DNAJC2: variants seen among roughly 807,000 people sequenced by gnomAD.
DNAJC2 encodes the protein dnaJ homolog subfamily C member 2.
A neutral mutation model predicts 94.0 loss-of-function variants in DNAJC2; 32 were observed. The ratio of observed to expected loss-of-function variants is 0.34; its 90% CI spans 0.26 to 0.46. The LOEUF (loss-of-function observed/expected upper bound fraction) is 0.46. DNAJC2 is among the 20% of genes least tolerant of loss of function. DNAJC2 has a pLI of 1.00. For missense variants in DNAJC2, 550 were observed against 719.5 expected, an observed-to-expected ratio of 0.76 and a Z score of 2.69; for synonymous variants, 210 against 229.7, an observed-to-expected ratio of 0.91 and a Z score of 0.77.
chr7:103,318,314 C>T (rs1248558804), intron 12 of DNAJC2, among the ~76,000 whole-genome samples: 3 of 152,148 alleles, frequency 2.0e-5, no homozygotes, highest in East Asian at 1.9e-4. Context: ...TACAGGTACA[C>T]GACACCATGC....
intron 15 of DNAJC2, chr7:103,313,596 A>G: frequency 1.0e-6 from 1 of 983,328 alleles, no homozygotes; most frequent in Non-Finnish European, 1.2e-6. Flanking sequence ...AATTAAGCCA[A>G]GTGCCCAAGG....
Position 103,337,696 on chromosome 7 carries a change from TACA to T in DNAJC2, c.331+37_331+39del, listed in dbSNP as rs2116035503. On this transcript the variant is annotated intron_variant, in intron 3 of 16. Coordinates refer to ENST00000379263, the MANE Select transcript of DNAJC2 (RefSeq NM_014377.3). ...AAAAAGCATAGCCAGCCTGTTCCTATACAAGATATTTGATTATTTCAAAATAAC... is the reference window on the plus strand; with the variant it reads ...AAAAAGCATAGCCAGCCTGTTCCTATAGATATTTGATTATTTCAAAATAAC... The T allele has an allele frequency of 3.4e-6, 5 of 1,488,564 alleles. No individual in the cohort carries two copies. In the East Asian group the frequency reaches 1.1e-4, roughly 34 times the overall value. The allele number at this position is 1,488,564 out of a possible 1,614,324, so 92.2% of individuals were successfully genotyped here.
intron 3 of DNAJC2, among the ~76,000 whole-genome samples, chr7:103,333,162 T>C (rs1819040675): frequency 6.6e-6 from 1 of 152,128 alleles, no homozygotes; most frequent in Admixed American, 6.5e-5. Context: ...GATGCTCAAC[T>C]TGTATTTGTT....
chr7:103,344,465 G>T, intron 1 of DNAJC2, 94 bp downstream of exon 1: 4 of 1,442,328 alleles, frequency 2.8e-6, no homozygotes, highest in Non-Finnish European at 2.9e-6. Context: ...TAGTCGCCAG[G>T]GTCAAGGGTA....
At chr7:103,326,404 GAGA>G (rs1818708467) in intron 5 of DNAJC2, 136 bp downstream of exon 5, 7 of 827,616 alleles carry the variant, frequency 8.5e-6, no homozygotes, top group African/African-American at 1.8e-5. Flanking sequence ...GAATATTGCA[GAGA>G]AGGAGGAGGA....
intron 3 of DNAJC2, among the ~76,000 whole-genome samples, chr7:103,330,418 G>A (rs1415700508): frequency 6.6e-6 from 1 of 151,882 alleles, no homozygotes; most frequent in Non-Finnish European, 1.5e-5. Context: ...CTCCCAAGTG[G>A]CTGGGATTAC....
intron 1 of DNAJC2, among the ~76,000 whole-genome samples, chr7:103,344,088 T>TATG (rs1388819446): frequency 6.6e-6 from 1 of 151,954 alleles, no homozygotes; most frequent in African/African-American, 2.4e-5. Flanking sequence ...GAACACCGAG[T>TATG]ATGAGGAGCG....
In DNAJC2 at chr7:103,313,499, AAAAGAG is replaced by A. The variant is rs1817875768; in HGVS notation, c.1637-404_1637-399del. 7.1e-6 allele frequency: 7 copies of A among 985,076 alleles called. No homozygotes were observed. In the African/African-American group the frequency reaches 1.0e-4, roughly 15 times the overall value. The allele number at this position is 985,076 out of a possible 1,614,324, so 61.0% of individuals were successfully genotyped here. A position where few individuals can be genotyped will look rare whatever the true frequency, so the allele number is the denominator to read the frequency against. ...AAATCTACTTCCTTACAGAATAGGT[AAAAGAG>A]CTTCCTCACAGTTAAACTTTTGCTG... On this transcript the variant is annotated intron_variant, in intron 15 of 16. Transcript: ENST00000379263.
chr7:103,340,830 A>G (rs1819346897), intron 2 of DNAJC2, among the ~76,000 whole-genome samples: 2 of 152,228 alleles, frequency 1.3e-5, no homozygotes, highest in Non-Finnish European at 2.9e-5. Flanking sequence ...TTTTGGAGTC[A>G]TAGACCAATT....
intron 3 of DNAJC2, among the ~76,000 whole-genome samples, chr7:103,331,226 G>T (rs1042377127): frequency 2.6e-5 from 4 of 152,202 alleles, no homozygotes; most frequent in African/African-American, 9.6e-5. Context: ...CCAAAGCGCT[G>T]GGATTACAGG....
chr7:103,339,359 C>T (rs1486640710), intron 2 of DNAJC2, among the ~76,000 whole-genome samples: 1 of 152,132 alleles, frequency 6.6e-6, no homozygotes, highest in Non-Finnish European at 1.5e-5. Context: ...ATACCAAAGA[C>T]CTTCTCCCTC....
chr7:103,322,160 T>G (rs1033569865), intron 9 of DNAJC2, 79 bp from the exon 10 acceptor site: 10 of 1,085,974 alleles, frequency 9.2e-6, no homozygotes, highest in Middle Eastern at 3.2e-4. Context: ...AAATTTAAAC[T>G]TTTAATAAAT....
intron 3 of DNAJC2, among the ~76,000 whole-genome samples, chr7:103,329,909 T>C (rs1166016540): frequency 6.6e-6 from 1 of 152,184 alleles, no homozygotes; most frequent in African/African-American, 2.4e-5. Context: ...CCAATAGTTG[T>C]CTCTTATTTA....
In DNAJC2 at chr7:103,322,760, T is replaced by G. The variant is rs573938423; in HGVS notation, c.754A>C (p.Arg252=). 6.2e-7 allele frequency: 1 copy of G among 1,608,184 alleles called. No homozygotes were observed. The highest frequency in any genetic ancestry group is 1.1e-5 in the South Asian group (1 of 91,024). Reference sequence around the variant, plus strand: ...TTTTTTCTTTGTGCTCTTGTTGCTCTGTTCTGCTTTTCAATCCATCTCCTC... The same window carrying G: ...TTTTTTCTTTGTGCTCTTGTTGCTCGGTTCTGCTTTTCAATCCATCTCCTC... The part of the protein sequence containing the change: ...DERRWIEKQN[R]ATRAQRKKEE... Residue 252 remains arginine, a synonymous_variant, in exon 8 of 17, where the codon AGA becomes CGA. Transcript: ENST00000379263.
intron 2 of DNAJC2, among the ~76,000 whole-genome samples, chr7:103,340,446 T>C (rs972310454): frequency 2.6e-5 from 4 of 152,222 alleles, no homozygotes; most frequent in African/African-American, 9.6e-5. Flanking sequence ...ACCAATGACA[T>C]AGGAACTCTT....
intron 4 of DNAJC2, chr7:103,327,269 T>C (rs1040312942): frequency 4.0e-5 from 37 of 916,924 alleles, no homozygotes; most frequent in Non-Finnish European, 5.6e-5. Flanking sequence ...TTTAGTCCCA[T>C]AAAGCATCTG....
chr7:103,313,270 A>G, intron 15 of DNAJC2, 169 bp from the exon 16 acceptor site: 1 of 1,342,986 alleles, frequency 7.4e-7, no homozygotes, highest in Admixed American at 3.5e-5. Context: ...TTAATAAGAG[A>G]AAAAATTTCA....
chr7:103,325,851 TA>T (rs561615657), intron 5 of DNAJC2, among the ~76,000 whole-genome samples: 336 of 152,288 alleles, frequency 2.2e-3, no homozygotes, highest in South Asian at 4.4e-3. Flanking sequence ...GATGATCAAA[TA>T]AAGAACAAAG....
chr7:103,324,652 T>C (rs1818605774), intron 5 of DNAJC2, 90 bp from the exon 6 acceptor site: 1 of 1,133,340 alleles, frequency 8.8e-7, no homozygotes, highest in Admixed American at 3.7e-5. Flanking sequence ...AACAATAATT[T>C]TTACTAATTC....
Sources: gnomAD v4.1 joint callset for allele counts (sites outside exome capture counted in the v4.1 genomes callset) on GRCh38, gnomAD v4.1.1 for gene constraint, MANE v1.5 for transcripts, NCBI Gene and HGNC (gene_info 2026-07-23, HGNC 2026-07-21) for gene names.